SH2D4B: variants seen among roughly 807,000 people sequenced by gnomAD.
The protein encoded by SH2D4B is SH2 domain-containing protein 4B.
In SH2D4B, 45 loss-of-function variants were observed where a neutral mutation model predicts 61.5. The ratio of observed to expected loss-of-function variants is 0.73; its 90% CI spans 0.58 to 0.94. The LOEUF (loss-of-function observed/expected upper bound fraction) is 0.94, where lower values mean the gene tolerates loss of function less well. Ranked by LOEUF, SH2D4B falls within the 40% of genes least tolerant of loss-of-function variation. The probability of loss-of-function intolerance (pLI) is 0.00; values close to 1 mark genes in which losing one functional copy is unlikely to be tolerated. For synonymous variants in SH2D4B, 224 were observed against 220.4 expected (o/e 1.02, Z -0.14); for missense variants, 572 against 574.2 (o/e 1.00, Z 0.04).
rs116007936 is a variant in SH2D4B, at chr10:80,587,736, C to T, written c.496-894C>T. On this transcript the variant is annotated intron_variant, in intron 3 of 7. Coordinates refer to ENST00000646907, the MANE Select transcript of SH2D4B (RefSeq NM_001388272.1). ...AAGAGGCACTTTTTTAGTCATTCCC[C>T]GTCTCCCTGTCTCCCACTTGCAGTA... is the stretch of plus-strand genomic sequence containing the variant. Among the ~76,000 whole-genome samples, 646 of 152,230 alleles carry T rather than the reference C, an allele frequency of 4.2e-3. 5 individuals are homozygous for T. Among genetic ancestry groups the T allele is most frequent in the African/African-American group, 0.015 (617 of 41,532 alleles).
At chr10:80,600,599 G>A (rs1842441660) in intron 4 of SH2D4B, among the ~76,000 whole-genome samples, 1 of 152,040 alleles carries the variant, frequency 6.6e-6, no homozygotes, top group East Asian at 1.9e-4. Context: ...AAAGTAGGCA[G>A]GGCACTTCTC....
chr10:80,614,599 C>T (rs1253365742), intron 6 of SH2D4B, among the ~76,000 whole-genome samples: 1 of 152,242 alleles, frequency 6.6e-6, no homozygotes, highest in Non-Finnish European at 1.5e-5. Context: ...GATGGCTGCA[C>T]CTTGCTATTG....
chr10:80,591,858 C>T (rs1842331859), intron 4 of SH2D4B, among the ~76,000 whole-genome samples: 1 of 152,090 alleles, frequency 6.6e-6, no homozygotes. Flanking sequence ...CATGATGACC[C>T]ATTAACCCAT....
At chr10:80,642,845 T>G (rs986353001) in intron 7 of SH2D4B, among the ~76,000 whole-genome samples, 4 of 152,238 alleles carry the variant, frequency 2.6e-5, no homozygotes, top group African/African-American at 9.6e-5. Flanking sequence ...TCTGCCAGAT[T>G]GCCCTCCAAA....
chr10:80,576,160 T>C (rs980351216), intron 3 of SH2D4B, among the ~76,000 whole-genome samples: 29 of 152,072 alleles, frequency 1.9e-4, no homozygotes, highest in African/African-American at 6.8e-4. Context: ...TGGTCAATGG[T>C]CTCCTTGAGA....
chr10:80,543,777 A>G (rs1251498878), intron 1 of SH2D4B, among the ~76,000 whole-genome samples: 3 of 152,110 alleles, frequency 2.0e-5, no homozygotes, highest in African/African-American at 4.8e-5. Context: ...AAACACACCA[A>G]TCAGCACCCT....
chr10:80,582,325 A>G lies in SH2D4B; in HGVS notation c.496-6305A>G, dbSNP rs1842192571. On this transcript the variant is annotated intron_variant, in intron 3 of 7. Transcript: ENST00000646907. ...GCAGCCAGGGTTGCCCCTAGGGTGT[A>G]CAGAGTTGGCAAATATTTCTTTGTG... Among the ~76,000 whole-genome samples the G allele has an allele frequency of 2.6e-5, 4 of 152,336 alleles. No homozygotes were observed. In the South Asian group the frequency reaches 8.3e-4, roughly 32 times the overall value.
chr10:80,546,553 T>C (rs558867406), intron 1 of SH2D4B, among the ~76,000 whole-genome samples: 2 of 147,126 alleles, frequency 1.4e-5, no homozygotes, highest in Admixed American at 1.4e-4. Flanking sequence ...TGATACGGAG[T>C]CTCACTCTTT....
At chr10:80,611,122 C>T (rs1842592717) in intron 6 of SH2D4B, among the ~76,000 whole-genome samples, 1 of 139,722 alleles carries the variant, frequency 7.2e-6, no homozygotes, top group African/African-American at 2.7e-5. Flanking sequence ...TTGCAGAGAG[C>T]CGAGATTGCA....
chr10:80,592,247 T>C (rs1016922687), intron 4 of SH2D4B, among the ~76,000 whole-genome samples: 1 of 152,230 alleles, frequency 6.6e-6, no homozygotes, highest in African/African-American at 2.4e-5. Context: ...GTTGTTGAGT[T>C]GCCAGAGTTC....
chr10:80,558,160 T>C (rs1841861742), intron 1 of SH2D4B, among the ~76,000 whole-genome samples: 1 of 152,202 alleles, frequency 6.6e-6, no homozygotes, highest in Non-Finnish European at 1.5e-5. Context: ...AGTATCTTTT[T>C]GTCATTGATT....
intron 1 of SH2D4B, among the ~76,000 whole-genome samples, chr10:80,564,770 C>T (rs1347844888): frequency 6.6e-6 from 1 of 152,214 alleles, no homozygotes; most frequent in South Asian, 2.1e-4. Flanking sequence ...TATCTCCAGC[C>T]TCTTTCTTCC....
chr10:80,554,438 G>A (rs914700554), intron 1 of SH2D4B, among the ~76,000 whole-genome samples: 1 of 140,752 alleles, frequency 7.1e-6, no homozygotes, highest in African/African-American at 3.0e-5. Context: ...TTGGATGTAC[G>A]TGTGTGTGTG....
chr10:80,570,334 G>T lies in SH2D4B; in HGVS notation c.347+18G>T. The stretch of plus-strand genomic sequence containing the variant: ...GAGCTCTGGTGAGGGGTGCTATGGG[G>T]TGTTGGGTGGGGCCTAGGCATGGAA... On this transcript the variant is annotated intron_variant, in intron 2 of 7. Transcript: ENST00000646907. The T allele has an allele frequency of 6.2e-7, 1 of 1,611,336 alleles. No homozygotes were observed. The highest frequency in any genetic ancestry group is 1.1e-5 in the South Asian group (1 of 90,968).
intron 1 of SH2D4B, among the ~76,000 whole-genome samples, chr10:80,543,041 C>T (rs1343061673): frequency 6.6e-6 from 1 of 152,132 alleles, no homozygotes; most frequent in Non-Finnish European, 1.5e-5. Context: ...GCCTAAGGGA[C>T]TCACCCTCTT....
chr10:80,634,388 C>T lies in SH2D4B; in HGVS notation c.1092C>T (p.Tyr364=). 1 of 1,550,642 alleles carries T rather than the reference C, an allele frequency of 6.4e-7. No homozygotes were observed. Among genetic ancestry groups the T allele is most frequent in the Non-Finnish European group, 8.7e-7 (1 of 1,146,994 alleles). The change falls in exon 7 of 8, where the codon TAC becomes TAT. Residue 364 remains tyrosine, a synonymous_variant. Transcript: ENST00000646907. ...SEKIWGYTLS[Y]RLQKGFKHFL... ...AAATCTGGGGTTACACCCTCTCCTA[C>T]CGCCTGCAGAAAGGGTTCAAACACT... is the stretch of plus-strand genomic sequence containing the variant.
chr10:80,566,090 C>CAA (rs60774703), intron 1 of SH2D4B, among the ~76,000 whole-genome samples: 1,486 of 23,800 alleles, frequency 0.062, 221 homozygotes, highest in East Asian at 0.24. Flanking sequence ...GACTCCGGCT[C>CAA]AAAAAAAAAA....
At chr10:80,617,490 A>G (rs1842673781) in intron 6 of SH2D4B, among the ~76,000 whole-genome samples, 1 of 152,230 alleles carries the variant, frequency 6.6e-6, no homozygotes, top group African/African-American at 2.4e-5. Context: ...CTCCCTGAGT[A>G]AAGGCATGTA....
At chr10:80,543,148 G>T (rs1841606034) in intron 1 of SH2D4B, among the ~76,000 whole-genome samples, 1 of 152,148 alleles carries the variant, frequency 6.6e-6, no homozygotes, top group Non-Finnish European at 1.5e-5. Context: ...CTCTGCCTGG[G>T]CTCCCTCCCA....
Sources: gnomAD v4.1 joint callset for allele counts (sites outside exome capture counted in the v4.1 genomes callset) on GRCh38, gnomAD v4.1.1 for gene constraint, MANE v1.5 for transcripts, NCBI Gene and HGNC (gene_info 2026-07-23, HGNC 2026-07-21) for gene names.